Variants in OR56A3 observed in about 807,000 individuals in gnomAD.
The protein encoded by OR56A3 is olfactory receptor family 56 subfamily A member 3, also known as olfactory receptor 56A3.
In OR56A3, 23 loss-of-function variants were observed where a neutral mutation model predicts 17.5. That is an observed-to-expected ratio of 1.32 (90% CI 0.95 to 1.87). OR56A3 has a LOEUF of 1.87. Among genes scored for constraint, OR56A3 ranks in the 40% most tolerant of loss-of-function variants. The probability of loss-of-function intolerance (pLI) is 0.00; values close to 1 mark genes in which losing one functional copy is unlikely to be tolerated. For missense variants in OR56A3, 366 were observed against 380.1 expected (o/e 0.96, Z 0.31); for synonymous variants, 175 against 150.6 (o/e 1.16, Z -1.19).
At chr11:5,971,766 T>C in the OR56A3 span, among the ~76,000 whole-genome samples, 5 of 152,336 alleles carry the variant, frequency 3.3e-5, no homozygotes, top group Non-Finnish European at 5.9e-5. Context: ...GCTTTGCTTT[T>C]GTTCAACTAT....
the OR56A3 span, among the ~76,000 whole-genome samples, chr11:6,011,317 C>T: frequency 6.6e-6 from 1 of 151,812 alleles, no homozygotes; most frequent in African/African-American, 2.4e-5. Flanking sequence ...TGGAGGGCAG[C>T]ACTCATATAC....
the OR56A3 span, chr11:5,994,200 G>A: frequency 3.8e-6 from 2 of 525,388 alleles, no homozygotes; most frequent in South Asian, 1.6e-5. Context: ...CCTCCCTCAG[G>A]CTGTTCTCTA....
At chr11:5,998,148 C>T in the OR56A3 span, among the ~76,000 whole-genome samples, 1 of 152,168 alleles carries the variant, frequency 6.6e-6, no homozygotes, top group African/African-American at 2.4e-5. Flanking sequence ...TGGTGCATAA[C>T]TGGGTGAGAT....
the OR56A3 span, chr11:6,001,395 GAAGA>G: frequency 1.3e-5 from 2 of 152,250 alleles, no homozygotes; most frequent in Non-Finnish European, 2.9e-5. Context: ...ACCAAAAACT[GAAGA>G]AAGAAAATCT....
the OR56A3 span, among the ~76,000 whole-genome samples, chr11:6,010,854 C>T: frequency 3.4e-5 from 5 of 148,608 alleles, no homozygotes; most frequent in East Asian, 2.0e-4. Flanking sequence ...TGTGTGTGCA[C>T]GTGAATGTGT....
chr11:6,002,856 G>A, the OR56A3 span: 4 of 1,614,072 alleles, frequency 2.5e-6, no homozygotes, highest in Admixed American at 1.7e-5. Context: ...CAGGAGGGTG[G>A]TGTTAGCTCC....
chr11:5,999,117 C>T, the OR56A3 span, among the ~76,000 whole-genome samples: 1 of 152,128 alleles, frequency 6.6e-6, no homozygotes, highest in Admixed American at 6.6e-5. Flanking sequence ...TCTTATGGGG[C>T]ACCCAATAGT....
the OR56A3 span, among the ~76,000 whole-genome samples, chr11:5,983,533 A>G: frequency 3.9e-5 from 6 of 152,028 alleles, no homozygotes; most frequent in African/African-American, 1.4e-4. Context: ...GACATTAGCA[A>G]TAAGCCCAAA....
At chr11:5,986,292 A>G in the OR56A3 span, 1 of 1,613,898 alleles carries the variant, frequency 6.2e-7, no homozygotes. Context: ...CATAAGCTCG[A>G]TTGACTGTGG....
At position 5,950,647 on chromosome 11, in the gene OR56A3, A is replaced by G. The variant is rs1403264629; in HGVS notation, c.*2353A>G. On this transcript the variant is annotated 3_prime_UTR_variant, in exon 3 of 3. Transcript: ENST00000641160. ...AACAGACAAAATTAGTTCTAATAAG[A>G]TATTTTATTTAGTCCAACATATCCA... The G allele has an allele frequency of 1.3e-5, 2 of 152,174 alleles. No individual in the cohort carries two copies. Among genetic ancestry groups the G allele is most frequent in the African/African-American group, 2.4e-5 (1 of 41,466 alleles). The allele number at this position is 152,174 out of a possible 1,614,324, so 9.4% of individuals were successfully genotyped here.
At chr11:5,969,762 C>A in the OR56A3 span, among the ~76,000 whole-genome samples, 1 of 151,912 alleles carries the variant, frequency 6.6e-6, no homozygotes, top group Non-Finnish European at 1.5e-5. Flanking sequence ...TATTTCACAC[C>A]CAAACTTAAA....
chr11:6,011,742 CCA>C, the OR56A3 span, among the ~76,000 whole-genome samples: 1 of 152,166 alleles, frequency 6.6e-6, no homozygotes, highest in Non-Finnish European at 1.5e-5. Context: ...AGCCTGGATC[CCA>C]CACCTCCAAG....
chr11:5,995,819 A>G, the OR56A3 span, among the ~76,000 whole-genome samples: 33,636 of 152,134 alleles, frequency 0.22, 4,213 homozygotes, highest in Middle Eastern at 0.3. Context: ...ACGCTGTGCA[A>G]TAGATCTCTT....
chr11:5,979,507 A>G, the OR56A3 span, among the ~76,000 whole-genome samples: 1 of 152,052 alleles, frequency 6.6e-6, no homozygotes, highest in East Asian at 1.9e-4. Context: ...TTGTGTCTGT[A>G]GAGATGTTCA....
chr11:5,982,303 T>A, the OR56A3 span, among the ~76,000 whole-genome samples: 1 of 152,096 alleles, frequency 6.6e-6, no homozygotes, highest in African/African-American at 2.4e-5. Flanking sequence ...TGTACGTGTA[T>A]GTGCATTGGC....
At chr11:5,954,175 G>A (rs1847921915), downstream of OR56A3, among the ~76,000 whole-genome samples, 1 of 152,172 alleles carries the variant, frequency 6.6e-6, no homozygotes, top group Admixed American at 6.5e-5. Flanking sequence ...GATAAAGTGT[G>A]TGTGAGAACC....
At chr11:5,976,994 T>C in the OR56A3 span, among the ~76,000 whole-genome samples, 1 of 152,178 alleles carries the variant, frequency 6.6e-6, no homozygotes, top group Non-Finnish European at 1.5e-5. Flanking sequence ...CTGCATTCAC[T>C]CACTAAGGAC....
chr11:5,946,594 C>G (rs958359018), intron 2 of OR56A3, among the ~76,000 whole-genome samples: 1 of 152,174 alleles, frequency 6.6e-6, no homozygotes, highest in African/African-American at 2.4e-5. Context: ...ACAAGCATTT[C>G]TCCCTGTTAG....
At chr11:5,967,585 G>C in the OR56A3 span, 6 of 1,606,800 alleles carry the variant, frequency 3.7e-6, no homozygotes, top group Non-Finnish European at 5.1e-6. Context: ...TGGATTCCCT[G>C]CTTGATCTCC....
Sources: gnomAD v4.1 joint callset for allele counts (sites outside exome capture counted in the v4.1 genomes callset) on GRCh38, gnomAD v4.1.1 for gene constraint, MANE v1.5 for transcripts, NCBI Gene and HGNC (gene_info 2026-07-23, HGNC 2026-07-21) for gene names.